TXNDC5: variants seen among roughly 807,000 people sequenced by gnomAD.
TXNDC5 encodes the protein thioredoxin domain-containing protein 5.
In TXNDC5, 44 loss-of-function variants were observed where a neutral mutation model predicts 52.6. The ratio of observed to expected loss-of-function variants is 0.84; its 90% CI spans 0.66 to 1.08. The LOEUF (loss-of-function observed/expected upper bound fraction) is 1.08, where lower values mean the gene tolerates loss of function less well. Among genes scored for constraint, TXNDC5 ranks in the 50% least tolerant of loss-of-function variants. The pLI is 0.00. For missense variants in TXNDC5, 600 were observed against 565.5 expected, an observed-to-expected ratio of 1.06 and a Z score of -0.62; for synonymous variants, 241 against 234.4, an observed-to-expected ratio of 1.03 and a Z score of -0.26.
chr6:7,884,258 G>A, intron 9 of TXNDC5, 101 bp downstream of exon 9: 2 of 1,484,392 alleles, frequency 1.3e-6, no homozygotes, highest in Middle Eastern at 4.6e-4. Flanking sequence ...CCACATTGTT[G>A]AGAAGATGAG....
chr6:7,910,558 G>C lies in TXNDC5; in HGVS notation c.219C>G (p.His73Gln). 1 of 1,456,194 alleles carries C rather than the reference G, an allele frequency of 6.9e-7. No individual in the cohort carries two copies. The highest frequency in any genetic ancestry group is 1.3e-5 in the South Asian group (1 of 78,972). 90.2% of individuals were successfully genotyped at this position (1,456,194 alleles called of 1,614,324 possible). A position where few individuals can be genotyped will look rare whatever the true frequency, so the allele number is the denominator to read the frequency against. ...CGAAGTGCGCGGCGCTCTGGATCCC[G>C]TGCGTGAACATGTCGGCCGTGTACA... ...KHLYTADMFT[H>Q]GIQSAAHFVM... Residue 73 changes from histidine (H) to glutamine (Q), a missense_variant, in exon 1 of 10, where the codon CAC becomes CAG. Physicochemically the swap from His to Gln is conservative, Grantham distance 24. Coordinates refer to ENST00000379757, the MANE Select transcript of TXNDC5 (RefSeq NM_030810.5).
At chr6:7,893,262 A>G (rs779227093) in intron 4 of TXNDC5, among the ~76,000 whole-genome samples, 1 of 152,238 alleles carries the variant, frequency 6.6e-6, no homozygotes, top group Non-Finnish European at 1.5e-5. Flanking sequence ...CTGCCACACT[A>G]AGGCTCACAG....
At chr6:7,884,172 G>A (rs1759870922) in intron 9 of TXNDC5, among the ~76,000 whole-genome samples, 187 bp downstream of exon 9, 1 of 152,142 alleles carries the variant, frequency 6.6e-6, no homozygotes, top group Non-Finnish European at 1.5e-5. Context: ...TACAAAGCGG[G>A]CGAAGAAGAA....
chr6:7,884,323 C>G (rs374919879), intron 9 of TXNDC5, 36 bp downstream of exon 9: 1 of 1,612,816 alleles, frequency 6.2e-7, no homozygotes, highest in Non-Finnish European at 8.5e-7. Context: ...TGCCCCCATA[C>G]TGAGAGCTCC....
chr6:7,893,032 G>A (rs1423713870), intron 4 of TXNDC5, among the ~76,000 whole-genome samples: 2 of 152,060 alleles, frequency 1.3e-5, no homozygotes, highest in Admixed American at 6.5e-5. Flanking sequence ...TTGTTTTCTC[G>A]ATCTGTATTA....
At chr6:7,883,334 A>G (rs1173086027) in intron 9 of TXNDC5, 68 bp from the exon 10 acceptor site, 3 of 1,607,558 alleles carry the variant, frequency 1.9e-6, no homozygotes, top group Middle Eastern at 1.7e-4. Context: ...CTTCCTAAAT[A>G]AAACCAGATA....
At chr6:7,910,392 C>T (rs1333279631) in intron 1 of TXNDC5, 122 bp downstream of exon 1, 2 of 1,112,224 alleles carry the variant, frequency 1.8e-6, no homozygotes, top group Non-Finnish European at 2.2e-6. Context: ...GTAGCACGCA[C>T]GCCGCAGACC....
At chr6:7,886,722 A>G (rs577413076) in intron 7 of TXNDC5, among the ~76,000 whole-genome samples, 1 of 152,246 alleles carries the variant, frequency 6.6e-6, no homozygotes, top group Non-Finnish European at 1.5e-5. Flanking sequence ...TTACAGAATG[A>G]CGTCTATGTG....
chr6:7,908,011 G>A (rs1760791567), intron 1 of TXNDC5, among the ~76,000 whole-genome samples: 1 of 152,196 alleles, frequency 6.6e-6, no homozygotes. Flanking sequence ...TATGCCAGGT[G>A]CGGTGGCTTA....
Position 7,886,000 on chromosome 6 carries a change from A to G in TXNDC5, c.1007T>C (p.Ile336Thr), listed in dbSNP as rs1234279274. Residue 336 changes from isoleucine to threonine, a missense_variant, in exon 8 of 10, where the codon ATT (isoleucine) becomes ACT (threonine). By Grantham distance (89) the Ile-to-Thr change is moderately conservative (BLOSUM62 -1). Coordinates refer to ENST00000379757, the MANE Select transcript of TXNDC5 (RefSeq NM_030810.5). ...CTTGATGAAGGTTATTCCTTCTGCA[A>G]TGGTGTCATCGAAGTTATTTTCAGT... Reference protein sequence around the residue: ...ALTENNFDDTIAEGITFIKFY... With the variant: ...ALTENNFDDTTAEGITFIKFY... The G allele has an allele frequency of 3.7e-6, 6 of 1,614,208 alleles. No individual in the cohort carries two copies. The East Asian group carries it at 8.9e-5, about 24-fold the overall frequency.
At chr6:7,909,813 C>CT in intron 1 of TXNDC5, 1 of 986,008 alleles carries the variant, frequency 1.0e-6, no homozygotes, top group Non-Finnish European at 1.2e-6. Context: ...GAAACCACAC[C>CT]TTCCTGGGTT....
At chr6:7,884,223 C>T (rs1759873591) in intron 9 of TXNDC5, 136 bp downstream of exon 9, 1 of 1,219,442 alleles carries the variant, frequency 8.2e-7, no homozygotes, top group African/African-American at 1.6e-5. Context: ...CTTCTCCAAA[C>T]AAACAACTCA....
intron 4 of TXNDC5, chr6:7,894,687 G>A (rs773287467): frequency 8.9e-5 from 86 of 967,094 alleles, no homozygotes; most frequent in Non-Finnish European, 1.0e-4. Flanking sequence ...GCTGACAGAG[G>A]GATACAAAGT....
intron 1 of TXNDC5, among the ~76,000 whole-genome samples, chr6:7,908,429 G>A (rs1020141895): frequency 6.6e-6 from 1 of 151,850 alleles, no homozygotes; most frequent in Non-Finnish European, 1.5e-5. Context: ...ACTCAGCCCA[G>A]GACTAGCTGG....
At chr6:7,901,028 C>T (rs1760548057) in intron 2 of TXNDC5, among the ~76,000 whole-genome samples, 1 of 152,164 alleles carries the variant, frequency 6.6e-6, no homozygotes, top group East Asian at 1.9e-4. Flanking sequence ...TATCAGCATA[C>T]TGGCCTTACC....
At chr6:7,909,666 G>T in intron 1 of TXNDC5, 1 of 640,378 alleles carries the variant, frequency 1.6e-6, no homozygotes, top group Middle Eastern at 7.7e-4. Context: ...GCTCCGTTCA[G>T]AGATTACATC....
At chr6:7,906,271 C>G (rs909099144) in intron 1 of TXNDC5, among the ~76,000 whole-genome samples, 1 of 151,974 alleles carries the variant, frequency 6.6e-6, no homozygotes, top group Admixed American at 6.6e-5. Context: ...GGTGTGGTGG[C>G]TCACACCTAT....
intron 2 of TXNDC5, among the ~76,000 whole-genome samples, chr6:7,903,160 G>GTT (rs1760623099): frequency 6.6e-6 from 1 of 152,194 alleles, no homozygotes; most frequent in South Asian, 2.1e-4. Context: ...TTTCTCAACA[G>GTT]GTAAGCATTC....
chr6:7,904,097 T>C (rs1425014938), intron 2 of TXNDC5, among the ~76,000 whole-genome samples: 1 of 152,252 alleles, frequency 6.6e-6, no homozygotes, highest in Non-Finnish European at 1.5e-5. Flanking sequence ...ATTGAGAACA[T>C]TTCAATTTCT....
Sources: allele counts gnomAD v4.1 joint callset (sites outside exome capture counted in the v4.1 genomes callset), GRCh38; gene constraint gnomAD v4.1.1; transcripts MANE v1.5; gene names NCBI Gene and HGNC (gene_info 2026-07-23, HGNC 2026-07-21).